NETO1: variants seen among roughly 807,000 people sequenced by gnomAD.
The protein encoded by NETO1 is neuropilin and tolloid-like protein 1.
Under a neutral mutation model 61.3 loss-of-function variants are expected in NETO1, and 26 were observed. That is an observed-to-expected ratio of 0.42 (90% CI 0.31 to 0.59). The LOEUF (loss-of-function observed/expected upper bound fraction) is 0.59. Among genes scored for constraint, NETO1 ranks in the 20% least tolerant of loss-of-function variants. The pLI is 0.12. For missense variants in NETO1, 531 were observed against 662.8 expected, an observed-to-expected ratio of 0.80 and a Z score of 2.18; for synonymous variants, 225 against 225.8, an observed-to-expected ratio of 1.00 and a Z score of 0.03.
intron 4 of NETO1, among the ~76,000 whole-genome samples, chr18:72,808,788 C>A (rs903682924): frequency 6.6e-6 from 1 of 152,216 alleles, no homozygotes; most frequent in African/African-American, 2.4e-5. Flanking sequence ...TTGCTGGAAA[C>A]TTTAGCAGTG....
intron 4 of NETO1, among the ~76,000 whole-genome samples, chr18:72,825,035 T>A (rs1434208669): frequency 5.3e-5 from 8 of 152,058 alleles, no homozygotes; most frequent in Admixed American, 4.6e-4. Context: ...GACTCATAAA[T>A]CAACCACCAT....
At position 72,745,750 on chromosome 18, in the gene NETO1, C is replaced by A. The variant is rs2145056775; in HGVS notation, c.*2429G>T. 1 of 152,338 alleles carries A rather than the reference C, an allele frequency of 6.6e-6. No homozygotes were observed. Among genetic ancestry groups the A allele is most frequent in the South Asian group, 2.1e-4 (1 of 4,826 alleles). 9.4% of individuals were successfully genotyped at this position (152,338 alleles called of 1,614,324 possible). A position where few individuals can be genotyped will look rare whatever the true frequency, so the allele number is the denominator to read the frequency against. On this transcript the variant is annotated 3_prime_UTR_variant, in exon 11 of 11. Transcript: ENST00000327305. ...GAGCCCTCCAGAGAACATCTCCCAA[C>A]TCTGCCAGAGCGCTGCACTCCCAAG...
At chr18:72,795,209 G>C (rs1395650213) in intron 4 of NETO1, among the ~76,000 whole-genome samples, 1 of 152,150 alleles carries the variant, frequency 6.6e-6, no homozygotes, top group Non-Finnish European at 1.5e-5. Flanking sequence ...TTTGAGGTAG[G>C]TATGCAGCCA....
chr18:72,852,372 G>A (rs1352858264), intron 4 of NETO1, among the ~76,000 whole-genome samples: 2 of 152,034 alleles, frequency 1.3e-5, no homozygotes, highest in Non-Finnish European at 2.9e-5. Flanking sequence ...ATGCCACCAC[G>A]ACCGGCTAAT....
intron 7 of NETO1, among the ~76,000 whole-genome samples, chr18:72,765,248 C>A (rs1335342682): frequency 2.0e-5 from 3 of 152,106 alleles, no homozygotes; most frequent in Non-Finnish European, 4.4e-5. Context: ...TCCTTCCCAC[C>A]ACATCACCCA....
At chr18:72,850,687 G>C (rs1297811883) in intron 4 of NETO1, among the ~76,000 whole-genome samples, 1 of 152,212 alleles carries the variant, frequency 6.6e-6, no homozygotes, top group Admixed American at 6.5e-5. Context: ...TGAGATGCAT[G>C]AAAGTTCAAA....
intron 4 of NETO1, among the ~76,000 whole-genome samples, chr18:72,814,673 G>T (rs1380928513): frequency 6.6e-6 from 1 of 151,776 alleles, no homozygotes; most frequent in East Asian, 1.9e-4. Context: ...GTTAGGAAAA[G>T]AATTATGCAA....
In NETO1 at chr18:72,748,078, G is replaced by T; in HGVS notation, c.*101C>A. 1 of 891,922 alleles carries T rather than the reference G, an allele frequency of 1.1e-6. No individual in the cohort carries two copies. The highest frequency in any genetic ancestry group is 1.3e-6 in the Non-Finnish European group (1 of 744,392). The allele number at this position is 891,922 out of a possible 1,614,324, so 55.3% of individuals were successfully genotyped here. On this transcript the variant is annotated 3_prime_UTR_variant, in exon 11 of 11. Transcript: ENST00000327305. ...TTCTTAAGTTTGGATAAAGGCAGTG[G>T]AATGAATTTAGAAATATGTCCACTT...
At chr18:72,824,897 A>G (rs2073326856) in intron 4 of NETO1, among the ~76,000 whole-genome samples, 2 of 152,070 alleles carry the variant, frequency 1.3e-5, no homozygotes, top group African/African-American at 2.4e-5. Flanking sequence ...AAAAAATAAT[A>G]AAAATTTAAA....
At chr18:72,771,759 T>C (rs1310691722) in intron 7 of NETO1, among the ~76,000 whole-genome samples, 9 of 152,184 alleles carry the variant, frequency 5.9e-5, no homozygotes, top group Non-Finnish European at 2.9e-5. Flanking sequence ...TTAAGTAATA[T>C]GTTAAAATTG....
chr18:72,749,832 C>T (rs1483434383), intron 9 of NETO1, among the ~76,000 whole-genome samples: 1 of 151,978 alleles, frequency 6.6e-6, no homozygotes, highest in Admixed American at 6.6e-5. Context: ...TATCTTTGGT[C>T]TCTGTGTGCA....
chr18:72,838,963 G>A (rs2073839122), intron 4 of NETO1, among the ~76,000 whole-genome samples: 2 of 152,194 alleles, frequency 1.3e-5, no homozygotes, highest in South Asian at 2.1e-4. Flanking sequence ...TCATCCTTCA[G>A]GATTGTTTTA....
At chr18:72,847,161 G>A (rs1488816200) in intron 4 of NETO1, among the ~76,000 whole-genome samples, 3 of 152,208 alleles carry the variant, frequency 2.0e-5, no homozygotes, top group Non-Finnish European at 4.4e-5. Flanking sequence ...GAAAACAGAA[G>A]AGAAGTGACA....
chr18:72,842,095 G>T (rs1459201414), intron 4 of NETO1, among the ~76,000 whole-genome samples: 1 of 152,090 alleles, frequency 6.6e-6, no homozygotes. Context: ...CAACTTTTCT[G>T]TAAGTTTAAT....
At chr18:72,835,289 G>A in intron 4 of NETO1, 1 of 1,590,642 alleles carries the variant, frequency 6.3e-7, no homozygotes, top group Non-Finnish European at 8.6e-7. Flanking sequence ...GAAACACTCT[G>A]TAGATCCTGC....
At chr18:72,824,372 T>C (rs79122510) in intron 4 of NETO1, among the ~76,000 whole-genome samples, 3,450 of 152,302 alleles carry the variant, frequency 0.023, 131 homozygotes, top group African/African-American at 0.078. Flanking sequence ...TGAGCCTCTA[T>C]CTTAGAATTA....
intron 4 of NETO1, chr18:72,835,395 T>C: frequency 3.2e-6 from 4 of 1,268,958 alleles, no homozygotes; most frequent in Non-Finnish European, 4.5e-6. Context: ...GAAGTCCACT[T>C]TAACAGCTGT....
intron 7 of NETO1, among the ~76,000 whole-genome samples, chr18:72,757,949 C>G (rs1396757343): frequency 6.6e-6 from 1 of 151,850 alleles, no homozygotes. Context: ...TTGTAGTATA[C>G]GTTTTGAAAG....
rs151259929 is a variant in NETO1 at position 72,786,462 on chromosome 18, G to A, written c.640-2556C>T. ...TGTAGTATGCTTTGCAAGGTAGGACGATTTTCATACATGAGCAATTTGTAG... is the reference window on the plus strand; with the variant it reads ...TGTAGTATGCTTTGCAAGGTAGGACAATTTTCATACATGAGCAATTTGTAG... On this transcript the variant is annotated intron_variant, in intron 6 of 10. Coordinates refer to ENST00000327305, the MANE Select transcript of NETO1 (RefSeq NM_138966.5). Among the ~76,000 whole-genome samples the A allele has an allele frequency of 9.5e-3, 1,442 of 152,260 alleles. 8 individuals are homozygous for A. The highest frequency in any genetic ancestry group is 0.015 in the Non-Finnish European group (1,018 of 68,018).
Sources: gnomAD v4.1 joint callset for allele counts (sites outside exome capture counted in the v4.1 genomes callset) on GRCh38, gnomAD v4.1.1 for gene constraint, MANE v1.5 for transcripts, NCBI Gene and HGNC (gene_info 2026-07-23, HGNC 2026-07-21) for gene names.